Variants in COL24A1 observed in about 807,000 individuals in gnomAD.
COL24A1 encodes the protein collagen alpha-1(XXIV) chain.
Under a neutral mutation model 253.9 loss-of-function variants are expected in COL24A1, and 224 were observed. The observed-to-expected ratio is 0.88, with a 90% CI of 0.79 to 0.99. The LOEUF is 0.99. Ranked by LOEUF, COL24A1 falls within the 50% of genes least tolerant of loss-of-function variation. COL24A1 has a pLI of 0.00. For synonymous variants in COL24A1, 685 were observed against 673.7 expected, an observed-to-expected ratio of 1.02 and a Z score of -0.26; for missense variants, 2,131 against 2,068.5, an observed-to-expected ratio of 1.03 and a Z score of -0.59.
chr1:85,948,587 A>C (rs1449406391), intron 24 of COL24A1, among the ~76,000 whole-genome samples: 1 of 150,092 alleles, frequency 6.7e-6, no homozygotes, highest in East Asian at 1.9e-4. Context: ...TATTATAAAT[A>C]TTTACTTTTT....
At chr1:85,871,180 A>C (rs955334770) in intron 35 of COL24A1, among the ~76,000 whole-genome samples, 2 of 152,156 alleles carry the variant, frequency 1.3e-5, no homozygotes, top group Non-Finnish European at 2.9e-5. Context: ...GACCAATAAT[A>C]GGCTCTAAAT....
At chr1:86,024,065 T>A (rs1697798029) in intron 14 of COL24A1, among the ~76,000 whole-genome samples, 1 of 152,106 alleles carries the variant, frequency 6.6e-6, no homozygotes, top group Admixed American at 6.5e-5. Context: ...TAGGCTTCCA[T>A]CAAACTTTCC....
chr1:85,839,720 A>T (rs952131015), intron 42 of COL24A1, among the ~76,000 whole-genome samples: 2 of 152,296 alleles, frequency 1.3e-5, no homozygotes, highest in South Asian at 2.1e-4. Flanking sequence ...CAGTCTCAGA[A>T]TAAAAGTCTA....
In COL24A1 at chr1:85,825,170, G is replaced by A. The variant is rs184510397; in HGVS notation, c.3682-1432C>T. ...TTCCCACCTATGAGTGAGAATATGC[G>A]GTGTTTGGTTTTTTGTTCTTGCGAT... On this transcript the variant is annotated intron_variant, in intron 43 of 59. Transcript: ENST00000370571. 4.7e-5 allele frequency among the ~76,000 whole-genome samples: 7 copies of A among 148,622 alleles called. No homozygotes were observed. In the South Asian group the frequency reaches 8.5e-4, roughly 18 times the overall value.
chr1:86,113,817 C>A (rs1571966082), intron 4 of COL24A1, among the ~76,000 whole-genome samples: 1 of 104,992 alleles, frequency 9.5e-6, no homozygotes, highest in Admixed American at 1.6e-4. Context: ...GCCTGGGTGA[C>A]AGAGTGAGAT....
chr1:86,097,374 TCTTTCTTC>T (rs1703979180), intron 5 of COL24A1, among the ~76,000 whole-genome samples: 1 of 133,132 alleles, frequency 7.5e-6, no homozygotes, highest in Non-Finnish European at 1.7e-5. Flanking sequence ...TTCTTCTCCT[TCTTTCTTC>T]TCTTTTCTTT....
At chr1:86,017,568 C>T (rs894998218) in intron 18 of COL24A1, among the ~76,000 whole-genome samples, 1 of 152,126 alleles carries the variant, frequency 6.6e-6, no homozygotes, top group African/African-American at 2.4e-5. Flanking sequence ...TAACCACAGT[C>T]CCAGGGCTGT....
chr1:86,138,460 G>C (rs1650576128), intron 2 of COL24A1, among the ~76,000 whole-genome samples: 1 of 152,074 alleles, frequency 6.6e-6, no homozygotes. Context: ...GGAGGGACCT[G>C]GTGGGAGGTG....
At chr1:86,042,363 C>A (rs528838615) in intron 12 of COL24A1, among the ~76,000 whole-genome samples, 3 of 152,056 alleles carry the variant, frequency 2.0e-5, no homozygotes, top group African/African-American at 7.2e-5. Context: ...AAACTAATGG[C>A]CCTTATTGAA....
rs191452720 is a variant in COL24A1, at chr1:85,817,787, C to T, written c.3843+247G>A. Among the ~76,000 whole-genome samples, 7 of 152,162 alleles carry T rather than the reference C, an allele frequency of 4.6e-5. No individual in the cohort carries two copies. In the East Asian group the frequency reaches 9.6e-4, roughly 21 times the overall value. On this transcript the variant is annotated intron_variant, in intron 46 of 59. Coordinates refer to ENST00000370571, the MANE Select transcript of COL24A1 (RefSeq NM_152890.7). ...TTCACCGTCAGAAGCATGAGTCCAC[C>T]GGGAGGGCTTCATAACCAGGAAAAT...
At chr1:85,915,483 T>A (rs938434555) in intron 24 of COL24A1, among the ~76,000 whole-genome samples, 2 of 152,138 alleles carry the variant, frequency 1.3e-5, no homozygotes, top group African/African-American at 4.8e-5. Flanking sequence ...TTCTTTATAA[T>A]AAATCAATCT....
At chr1:85,799,261 A>G (rs537694009) in intron 47 of COL24A1, among the ~76,000 whole-genome samples, 38 of 152,084 alleles carry the variant, frequency 2.5e-4, no homozygotes, top group African/African-American at 8.9e-4. Flanking sequence ...AGAAAAGAAC[A>G]TTGTTTAGGA....
chr1:85,764,177 G>A (rs371280096), intron 53 of COL24A1, among the ~76,000 whole-genome samples: 42 of 152,002 alleles, frequency 2.8e-4, no homozygotes, highest in African/African-American at 1.0e-3. Flanking sequence ...AGGATGTTTA[G>A]CAGCATCCCT....
intron 17 of COL24A1, 95 bp from the exon 18 acceptor site, chr1:86,022,388 C>T (rs1274044398): frequency 2.1e-6 from 3 of 1,408,978 alleles, no homozygotes; most frequent in Non-Finnish European, 2.0e-6. Flanking sequence ...ATAAAGTATG[C>T]TAAAATATTG....
chr1:86,091,524 T>C (rs1703488859), intron 6 of COL24A1, among the ~76,000 whole-genome samples: 1 of 152,090 alleles, frequency 6.6e-6, no homozygotes, highest in Non-Finnish European at 1.5e-5. Context: ...CCCATAATTA[T>C]ATTACATTTA....
At position 86,125,508 on chromosome 1, in the gene COL24A1, T is replaced by C; in HGVS notation, c.828A>G (p.Glu276=). Residue 276 remains glutamate (E), a synonymous_variant, in exon 3 of 60, where the codon GAA becomes GAG. Transcript: ENST00000370571. ...EHSPPPKLFA[E]KVLSEDTFTE... is the part of the protein sequence containing the mutation. Reference sequence around the variant, plus strand: ...TAAATGTATCCTCTGACAGTACTTTTTCAGCAAATAGTTTGGGCGGGGGAG... The same window carrying C: ...TAAATGTATCCTCTGACAGTACTTTCTCAGCAAATAGTTTGGGCGGGGGAG... 6.2e-7 allele frequency: 1 copy of C among 1,613,686 alleles called. No individual in the cohort carries two copies. Among genetic ancestry groups the C allele is most frequent in the East Asian group, 2.2e-5 (1 of 44,854 alleles).
At chr1:85,981,959 T>C (rs1466052063) in intron 20 of COL24A1, among the ~76,000 whole-genome samples, 2 of 152,106 alleles carry the variant, frequency 1.3e-5, no homozygotes, top group African/African-American at 4.8e-5. Flanking sequence ...AAACAGGATA[T>C]TTGCACTGCT....
At chr1:86,074,909 A>C (rs866025185) in intron 7 of COL24A1, among the ~76,000 whole-genome samples, 1 of 152,226 alleles carries the variant, frequency 6.6e-6, no homozygotes, top group South Asian at 2.1e-4. Flanking sequence ...CAGTGTTTAG[A>C]GGGAAATTTA....
Position 85,987,570 on chromosome 1 carries a change from T to C in COL24A1, c.2364+31A>G, listed in dbSNP as rs556793484. The C allele has an allele frequency of 1.3e-5, 21 of 1,583,430 alleles. No individual in the cohort carries two copies. The South Asian group carries it at 2.4e-4, about 18-fold the overall frequency. On this transcript the variant is annotated intron_variant, in intron 20 of 59. Coordinates refer to ENST00000370571, the MANE Select transcript of COL24A1 (RefSeq NM_152890.7). Reference sequence around the variant, plus strand: ...ATCAGGAGCTCTAGATAACCATAATTGTTTAGTCTCTCTCTTCTTCTTCTT... The same window carrying C: ...ATCAGGAGCTCTAGATAACCATAATCGTTTAGTCTCTCTCTTCTTCTTCTT...
Sources: gnomAD v4.1 joint callset for allele counts (sites outside exome capture counted in the v4.1 genomes callset) on GRCh38, gnomAD v4.1.1 for gene constraint, MANE v1.5 for transcripts, NCBI Gene and HGNC (gene_info 2026-07-23, HGNC 2026-07-21) for gene names.